The following SRD5A2 variants were observed in gnomAD, a reference collection of about 807,000 sequenced individuals.
SRD5A2 encodes 3-oxo-5-alpha-steroid 4-dehydrogenase 2.
A neutral mutation model predicts 27.4 loss-of-function variants in SRD5A2; 30 were observed. That is an observed-to-expected ratio of 1.10 (90% CI 0.82 to 1.49). SRD5A2 has a LOEUF of 1.49. SRD5A2 is among the 40% of genes most tolerant of loss of function. The pLI is 0.00. For synonymous variants in SRD5A2, 141 were observed against 133.6 expected, an observed-to-expected ratio of 1.06 and a Z score of -0.38; for missense variants, 348 against 323.4, an observed-to-expected ratio of 1.08 and a Z score of -0.58.
the SRD5A2 span, among the ~76,000 whole-genome samples, chr2:31,645,986 A>T: frequency 2.6e-5 from 4 of 152,018 alleles, no homozygotes; most frequent in African/African-American, 9.7e-5. Context: ...CTACCTCACT[A>T]GTTTCCTTCC....
chr2:31,661,423 T>C, the SRD5A2 span, among the ~76,000 whole-genome samples: 1 of 152,126 alleles, frequency 6.6e-6, no homozygotes, highest in East Asian at 1.9e-4. Flanking sequence ...AAACATTACA[T>C]TTCTTACACT....
chr2:31,597,179 T>G, the SRD5A2 span, among the ~76,000 whole-genome samples: 1 of 152,024 alleles, frequency 6.6e-6, no homozygotes, highest in Admixed American at 6.6e-5. Flanking sequence ...CAAATACTTA[T>G]AGCCAACTGA....
At chr2:31,529,192 C>T (rs1381510884) in intron 4 of SRD5A2, 115 bp downstream of exon 4, 4 of 1,416,712 alleles carry the variant, frequency 2.8e-6, no homozygotes, top group Non-Finnish European at 1.9e-6. Context: ...ATAGTATCAA[C>T]CTTCCCTTAA....
At chr2:31,602,271 G>A in the SRD5A2 span, among the ~76,000 whole-genome samples, 1 of 151,928 alleles carries the variant, frequency 6.6e-6, no homozygotes, top group East Asian at 1.9e-4. Flanking sequence ...ACCAACAACA[G>A]GCAAGCAGAG....
intron 1 of SRD5A2, among the ~76,000 whole-genome samples, chr2:31,534,114 G>GA (rs1415827163): frequency 6.6e-6 from 1 of 151,782 alleles, no homozygotes; most frequent in Non-Finnish European, 1.5e-5. Flanking sequence ...CTTCAAGGCA[G>GA]AAAAAAATAC....
the SRD5A2 span, among the ~76,000 whole-genome samples, chr2:31,631,901 GC>G: frequency 2.6e-5 from 4 of 152,110 alleles, no homozygotes; most frequent in Admixed American, 2.6e-4. Flanking sequence ...TTACTAACTT[GC>G]GTGGTAGAAG....
chr2:31,612,047 G>A, the SRD5A2 span, among the ~76,000 whole-genome samples: 1 of 152,116 alleles, frequency 6.6e-6, no homozygotes, highest in East Asian at 1.9e-4. Context: ...GGAGGCCAAG[G>A]CAGGTGGATC....
chr2:31,646,617 C>T, the SRD5A2 span, among the ~76,000 whole-genome samples: 1 of 151,840 alleles, frequency 6.6e-6, no homozygotes, highest in Non-Finnish European at 1.5e-5. Flanking sequence ...ATGTGCCTAA[C>T]AAGAAGTTAA....
chr2:31,653,298 G>C, the SRD5A2 span, among the ~76,000 whole-genome samples: 1 of 152,090 alleles, frequency 6.6e-6, no homozygotes, highest in Non-Finnish European at 1.5e-5. Flanking sequence ...TGAGGTACAA[G>C]TACCAGCCAA....
chr2:31,633,405 C>A, the SRD5A2 span, among the ~76,000 whole-genome samples: 3 of 152,104 alleles, frequency 2.0e-5, no homozygotes, highest in Admixed American at 2.0e-4. Context: ...ATAGTCAGGG[C>A]CTGTGAAGTG....
the SRD5A2 span, among the ~76,000 whole-genome samples, chr2:31,649,880 C>T: frequency 6.6e-6 from 1 of 152,046 alleles, no homozygotes; most frequent in Non-Finnish European, 1.5e-5. Context: ...ATTATTATAA[C>T]ATCCAAAGTT....
At chr2:31,529,071 T>C (rs1665843886) in intron 4 of SRD5A2, among the ~76,000 whole-genome samples, 1 of 152,218 alleles carries the variant, frequency 6.6e-6, no homozygotes, top group South Asian at 2.1e-4. Flanking sequence ...TTGCCTCTGT[T>C]TACATGGACT....
chr2:31,534,555 T>A (rs1665985959), intron 1 of SRD5A2, among the ~76,000 whole-genome samples: 1 of 152,234 alleles, frequency 6.6e-6, no homozygotes, highest in Non-Finnish European at 1.5e-5. Context: ...TATTTGATTC[T>A]GTAAATTTTA....
chr2:31,618,945 T>A, the SRD5A2 span, among the ~76,000 whole-genome samples: 27 of 152,242 alleles, frequency 1.8e-4, no homozygotes, highest in Admixed American at 3.3e-4. Flanking sequence ...ACCTGATAAA[T>A]CTACATAATT....
the SRD5A2 span, among the ~76,000 whole-genome samples, chr2:31,607,663 T>C: frequency 5.3e-5 from 8 of 152,062 alleles, no homozygotes; most frequent in Non-Finnish European, 1.0e-4. Flanking sequence ...AGAATCCTGA[T>C]GAAAGTGTGT....
chr2:31,649,245 T>C, the SRD5A2 span, among the ~76,000 whole-genome samples: 3 of 152,208 alleles, frequency 2.0e-5, no homozygotes, highest in African/African-American at 7.2e-5. Flanking sequence ...CTATTTTCTT[T>C]AGCTGCACTT....
chr2:31,609,506 G>A, the SRD5A2 span, among the ~76,000 whole-genome samples: 3 of 152,086 alleles, frequency 2.0e-5, no homozygotes, highest in Admixed American at 6.6e-5. Flanking sequence ...AAGATCATTC[G>A]ATGGGGAAAG....
At chr2:31,561,952 G>C (rs561348182) in intron 1 of SRD5A2, among the ~76,000 whole-genome samples, 2 of 152,246 alleles carry the variant, frequency 1.3e-5, no homozygotes, top group East Asian at 1.9e-4. Context: ...AACAACAGTT[G>C]CTCAGCCACT....
chr2:31,543,468 T>TA (rs1198608004), intron 1 of SRD5A2, among the ~76,000 whole-genome samples: 2 of 152,126 alleles, frequency 1.3e-5, no homozygotes, highest in Non-Finnish European at 2.9e-5. Flanking sequence ...TAATACTTTT[T>TA]AAAAAAACAA....
Sources: allele counts gnomAD v4.1 joint callset (sites outside exome capture counted in the v4.1 genomes callset), GRCh38; gene constraint gnomAD v4.1.1; transcripts MANE v1.5; gene names NCBI Gene and HGNC (gene_info 2026-07-23, HGNC 2026-07-21).